The following DCDC1 variants were observed in gnomAD, a reference collection of about 807,000 sequenced individuals.
The protein encoded by DCDC1 is doublecortin domain-containing protein 1.
DCDC1 carries 200 observed loss-of-function variants against 178.3 expected under a neutral mutation model. The observed-to-expected ratio is 1.12, with a 90% confidence interval of 1.00 to 1.26. DCDC1 has a LOEUF of 1.26. Among genes scored for constraint, DCDC1 ranks in the 50% most tolerant of loss-of-function variants. The pLI is 0.00. For missense variants in DCDC1, 1,983 were observed against 1,749.2 expected (o/e 1.13, Z -2.38); for synonymous variants, 690 against 604.8 (o/e 1.14, Z -2.07).
At chr11:30,933,499 A>G (rs1299045474) in intron 21 of DCDC1, among the ~76,000 whole-genome samples, 1 of 152,128 alleles carries the variant, frequency 6.6e-6, no homozygotes, top group Non-Finnish European at 1.5e-5. Flanking sequence ...GCCTTCCTGG[A>G]TAAATCAAAA....
At chr11:31,255,009 C>T (rs1462276768) in intron 8 of DCDC1, among the ~76,000 whole-genome samples, 1 of 152,116 alleles carries the variant, frequency 6.6e-6, no homozygotes, top group Non-Finnish European at 1.5e-5. Flanking sequence ...TTTATTCGCT[C>T]TGGATGTTTC....
chr11:31,012,887 A>G (rs777440291), intron 20 of DCDC1, among the ~76,000 whole-genome samples: 5 of 152,210 alleles, frequency 3.3e-5, no homozygotes, highest in Non-Finnish European at 7.4e-5. Context: ...ATATTAGTGA[A>G]TAATAAACAC....
chr11:31,004,517 C>CG (rs1491496576), intron 20 of DCDC1, among the ~76,000 whole-genome samples: 2 of 73,362 alleles, frequency 2.7e-5, no homozygotes, highest in Non-Finnish European at 4.7e-5. Flanking sequence ...ACTAAACATA[C>CG]GAAAAAAAAA....
At chr11:31,212,859 A>G (rs1972752270) in intron 9 of DCDC1, among the ~76,000 whole-genome samples, 1 of 152,216 alleles carries the variant, frequency 6.6e-6, no homozygotes, top group African/African-American at 2.4e-5. Context: ...CAATGCAGCA[A>G]TGCTCATTGT....
chr11:31,044,585 A>G (rs1328832768), intron 20 of DCDC1, among the ~76,000 whole-genome samples: 2 of 151,984 alleles, frequency 1.3e-5, no homozygotes, highest in Non-Finnish European at 1.5e-5. Flanking sequence ...CTAGGAACTG[A>G]GAGTGGCCCT....
At chr11:30,988,464 T>A (rs1011598527) in intron 20 of DCDC1, among the ~76,000 whole-genome samples, 1 of 151,912 alleles carries the variant, frequency 6.6e-6, no homozygotes, top group Non-Finnish European at 1.5e-5. Context: ...GGAGTAAGTT[T>A]GGGAAAGGAA....
intron 1 of DCDC1, among the ~76,000 whole-genome samples, chr11:31,356,957 C>G (rs1179863467): frequency 6.6e-6 from 1 of 152,132 alleles, no homozygotes; most frequent in Non-Finnish European, 1.5e-5. Flanking sequence ...AGCTTACCAA[C>G]CAAAAAGAGT....
At chr11:31,325,580 G>A (rs985414551) in intron 3 of DCDC1, among the ~76,000 whole-genome samples, 1 of 151,886 alleles carries the variant, frequency 6.6e-6, no homozygotes, top group Non-Finnish European at 1.5e-5. Context: ...GGAAACACAT[G>A]GAAAGAAAGA....
At chr11:31,313,502 C>T (rs1197108762) in intron 3 of DCDC1, among the ~76,000 whole-genome samples, 1 of 152,144 alleles carries the variant, frequency 6.6e-6, no homozygotes, top group African/African-American at 2.4e-5. Flanking sequence ...TGAGGTTTTG[C>T]ATCCTGTCCT....
At chr11:31,346,095 A>G (rs946827099) in intron 1 of DCDC1, among the ~76,000 whole-genome samples, 10 of 152,214 alleles carry the variant, frequency 6.6e-5, no homozygotes, top group East Asian at 5.8e-4. Flanking sequence ...TAAACACTGA[A>G]TCTAACCAAG....
intron 34 of DCDC1, 134 bp from the exon 35 acceptor site, chr11:30,894,518 C>A: frequency 1.6e-6 from 2 of 1,237,726 alleles, no homozygotes; most frequent in Non-Finnish European, 1.1e-6. Context: ...ATCATAAAAG[C>A]AAAGATGCCT....
chr11:31,321,275 G>C (rs1474419002), intron 3 of DCDC1, among the ~76,000 whole-genome samples: 1 of 94,672 alleles, frequency 1.1e-5, no homozygotes, highest in African/African-American at 4.3e-5. Context: ...CTTGCAGTTT[G>C]ATCTCAGACT....
chr11:31,230,252 C>G (rs769395751), intron 9 of DCDC1, among the ~76,000 whole-genome samples: 38 of 151,504 alleles, frequency 2.5e-4, no homozygotes, highest in Non-Finnish European at 4.3e-4. Context: ...TGTAAATATA[C>G]TTAACACTAC....
intron 3 of DCDC1, among the ~76,000 whole-genome samples, chr11:31,323,538 T>C (rs1949483976): frequency 6.6e-6 from 1 of 152,210 alleles, no homozygotes; most frequent in African/African-American, 2.4e-5. Context: ...ATTTATAGTG[T>C]ATATTTGACA....
At chr11:30,969,278 A>C (rs1949645236) in intron 20 of DCDC1, among the ~76,000 whole-genome samples, 1 of 152,216 alleles carries the variant, frequency 6.6e-6, no homozygotes, top group Non-Finnish European at 1.5e-5. Flanking sequence ...ACCTAATCAT[A>C]AGTGTCCTTA....
At chr11:31,237,511 A>C (rs1406952876) in intron 9 of DCDC1, among the ~76,000 whole-genome samples, 2 of 152,000 alleles carry the variant, frequency 1.3e-5, no homozygotes, top group Admixed American at 6.6e-5. Flanking sequence ...TAAACAAAAG[A>C]GACTACATAC....
intron 6 of DCDC1, 31 bp downstream of exon 6, chr11:31,305,584 G>A: frequency 1.9e-6 from 3 of 1,609,642 alleles, no homozygotes; most frequent in Middle Eastern, 1.7e-4. Flanking sequence ...CAGTATGTGT[G>A]GGGGTAGGGT....
chr11:30,981,376 T>A (rs78581463), intron 20 of DCDC1, among the ~76,000 whole-genome samples: 3,042 of 152,238 alleles, frequency 0.02, 90 homozygotes, highest in African/African-American at 0.069. Context: ...ATACAACTGC[T>A]ATAAAGATTA....
chr11:31,315,428 C>G (rs1462643236), intron 3 of DCDC1, among the ~76,000 whole-genome samples: 1 of 147,592 alleles, frequency 6.8e-6, no homozygotes, highest in African/African-American at 2.5e-5. Flanking sequence ...GCTCCACCTC[C>G]CAGGTTCACG....
Sources: allele counts gnomAD v4.1 joint callset (sites outside exome capture counted in the v4.1 genomes callset), GRCh38; gene constraint gnomAD v4.1.1; transcripts MANE v1.5; gene names NCBI Gene and HGNC (gene_info 2026-07-23, HGNC 2026-07-21).